The following PSMG1 variants were observed in gnomAD, a reference collection of about 807,000 sequenced individuals.
PSMG1 encodes the protein proteasome assembly chaperone 1.
In PSMG1, 23 loss-of-function variants were observed where a neutral mutation model predicts 37.2. That is an observed-to-expected ratio of 0.62 (90% CI 0.44 to 0.88). The LOEUF is 0.88. PSMG1 is among the 40% of genes least tolerant of loss of function. The probability of loss-of-function intolerance (pLI) is 0.00; values close to 1 mark genes in which losing one functional copy is unlikely to be tolerated. For missense variants in PSMG1, 340 were observed against 344.2 expected, an observed-to-expected ratio of 0.99 and a Z score of 0.10; for synonymous variants, 127 against 128.0, an observed-to-expected ratio of 0.99 and a Z score of 0.05.
rs1027387675 is a variant in PSMG1, at chr21:39,179,056, T to C, written c.457-409A>G. On this transcript the variant is annotated intron_variant, in intron 4 of 6. Transcript: ENST00000331573. Reference sequence around the variant, plus strand: ...CTTCTCGCTCAGTTCATGCTAGAGCTGGTAGTTCAAAAGAGGCTGGCTCCT... The same window carrying C: ...CTTCTCGCTCAGTTCATGCTAGAGCCGGTAGTTCAAAAGAGGCTGGCTCCT... 2.4e-4 allele frequency among the ~76,000 whole-genome samples: 36 copies of C among 152,120 alleles called. 1 individual carries two copies. Among genetic ancestry groups the C allele is most frequent in the Admixed American group, 2.4e-3 (36 of 15,262 alleles).
At chr21:39,180,079 G>C (rs1601187045) in intron 3 of PSMG1, 93 bp from the exon 4 acceptor site, 3 of 1,357,774 alleles carry the variant, frequency 2.2e-6, no homozygotes, top group Non-Finnish European at 3.1e-6. Flanking sequence ...ACAACACTTA[G>C]GTAATACTTA....
At chr21:39,176,525 A>G (rs2030632275) in intron 6 of PSMG1, among the ~76,000 whole-genome samples, 1 of 152,266 alleles carries the variant, frequency 6.6e-6, no homozygotes, top group African/African-American at 2.4e-5. Context: ...TGTGTCAGAA[A>G]GATTACCCTG....
chr21:39,179,575 T>C (rs911514487), intron 4 of PSMG1, among the ~76,000 whole-genome samples: 3 of 152,136 alleles, frequency 2.0e-5, no homozygotes, highest in Non-Finnish European at 4.4e-5. Flanking sequence ...AAGAACCCTT[T>C]TACCTTTTAA....
At position 39,181,879 on chromosome 21, in the gene PSMG1, C is replaced by G. The variant is rs770326325; in HGVS notation, c.135-1G>C. On this transcript the variant is annotated splice_acceptor_variant, in intron 1 of 6. Transcript: ENST00000331573. LOFTEE classifies it high-confidence loss of function. ...TTGTCTTCGAAGGAGCCGCACTTCC[C>G]TAACACAAGAAACAAGATGAAACTA... 6.4e-7 allele frequency: 1 copy of G among 1,567,630 alleles called. No individual in the cohort carries two copies. The highest frequency in any genetic ancestry group is 2.3e-5 in the East Asian group (1 of 43,080).
At chr21:39,181,088 G>A (rs2030810280) in intron 2 of PSMG1, among the ~76,000 whole-genome samples, 1 of 152,114 alleles carries the variant, frequency 6.6e-6, no homozygotes, top group East Asian at 1.9e-4. Context: ...CAACACACTA[G>A]AAACAGCTCC....
intron 1 of PSMG1, among the ~76,000 whole-genome samples, 184 bp from the exon 2 acceptor site, chr21:39,182,062 G>A (rs1277189264): frequency 2.0e-5 from 3 of 150,820 alleles, no homozygotes; most frequent in Admixed American, 6.6e-5. Flanking sequence ...TATTGCATAC[G>A]TGTTTACGGA....
chr21:39,183,396 T>TG lies in PSMG1; in HGVS notation c.-12dup, dbSNP rs1569145026. On this transcript the variant is annotated 5_prime_UTR_variant, in exon 1 of 7. Transcript: ENST00000331573. ...GAACGTGGCCGCCATAGCCGCCCCG[T>TG]GACCGGCTGGACACAACTGCAGCGC... is the stretch of plus-strand genomic sequence containing the variant. The TG allele has an allele frequency of 1.9e-6, 3 of 1,575,764 alleles. No homozygotes were observed. In the Admixed American group the frequency reaches 5.3e-5, roughly 28 times the overall value.
Position 39,182,364 on chromosome 21 carries a change from G to A in PSMG1, c.135-486C>T, listed in dbSNP as rs186812480. The stretch of plus-strand genomic sequence containing the variant: ...CAATCAGTCCTGTCTCTTAGGAGGG[G>A]TAAGAGGAGGTTGCTCTAAATGAAG... On this transcript the variant is annotated intron_variant, in intron 1 of 6. Transcript: ENST00000331573. Among the ~76,000 whole-genome samples, 117 of 152,326 alleles carry A rather than the reference G, an allele frequency of 7.7e-4. 1 individual carries two copies. Among genetic ancestry groups the A allele is most frequent in the Non-Finnish European group, 1.1e-3 (72 of 68,028 alleles).
rs775974728 is a variant in PSMG1, at chr21:39,181,887, AG to A, written c.135-10del. 2 of 1,560,552 alleles carry A rather than the reference AG, an allele frequency of 1.3e-6. No individual in the cohort carries two copies. Among genetic ancestry groups the A allele is most frequent in the Admixed American group, 2.1e-5 (1 of 47,342 alleles). On this transcript the variant is annotated splice_polypyrimidine_tract_variant and intron_variant, in intron 1 of 6. Coordinates refer to ENST00000331573, the MANE Select transcript of PSMG1 (RefSeq NM_003720.4). Reference sequence around the variant, plus strand: ...GAAGGAGCCGCACTTCCCTAACACAAGAAACAAGATGAAACTAAAGCAACTT... The same window carrying A: ...GAAGGAGCCGCACTTCCCTAACACAAAAACAAGATGAAACTAAAGCAACTT...
intron 2 of PSMG1, among the ~76,000 whole-genome samples, 159 bp from the exon 3 acceptor site, chr21:39,180,595 C>G (rs767572687): frequency 1.3e-5 from 2 of 152,102 alleles, no homozygotes; most frequent in Non-Finnish European, 2.9e-5. Context: ...GAAACTGAGG[C>G]CCCCAAGAAG....
At chr21:39,176,406 C>A (rs886618664) in intron 6 of PSMG1, among the ~76,000 whole-genome samples, 1 of 152,216 alleles carries the variant, frequency 6.6e-6, no homozygotes, top group Admixed American at 6.5e-5. Context: ...CCAGCCCCTG[C>A]CCATGGGAAC....
rs767210983 is a variant in PSMG1, at chr21:39,178,541, A to C, written c.563T>G (p.Phe188Cys). The change falls in exon 5 of 7, where the codon TTC becomes TGC. Residue 188 changes from phenylalanine to cysteine, a missense_variant. Physicochemically the swap from Phe to Cys is radical, Grantham distance 205 (BLOSUM62 -2). Transcript: ENST00000331573. ...SESTGSLPSP[F>C]LRALKTQNFK... ...ATTCTGTGTTTTTAGGGCTCTCAGG[A>C]AAGGAGAAGGAAGGCTGCCGGTGGA... 1.2e-6 allele frequency: 2 copies of C among 1,614,052 alleles called. No individual in the cohort carries two copies. Among genetic ancestry groups the C allele is most frequent in the Non-Finnish European group, 1.7e-6 (2 of 1,180,018 alleles).
Position 39,178,452 on chromosome 21 carries a change from C to T in PSMG1, c.652G>A (p.Ala218Thr), listed in dbSNP as rs767190360. The change falls in exon 5 of 7, where the codon GCA becomes ACA. Residue 218 changes from alanine (A) to threonine (T), a missense_variant. Coordinates refer to ENST00000331573, the MANE Select transcript of PSMG1 (RefSeq NM_003720.4). ...QPNIVHDLPA[A>T]VLSYCQVWKI... is the part of the protein sequence containing the mutation. ...ATGTTACAAATTTTAATACCACCTGCTGCAGGAAGGTCGTGTACTATATTC... is the reference window on the plus strand; with the variant it reads ...ATGTTACAAATTTTAATACCACCTGTTGCAGGAAGGTCGTGTACTATATTC... 1.4e-5 allele frequency: 22 copies of T among 1,609,210 alleles called. 1 individual carries two copies. In the Admixed American group the frequency reaches 3.7e-4, roughly 27 times the overall value.
At chr21:39,179,612 A>C (rs1256376523) in intron 4 of PSMG1, among the ~76,000 whole-genome samples, 1 of 152,080 alleles carries the variant, frequency 6.6e-6, no homozygotes, top group Non-Finnish European at 1.5e-5. Context: ...GTAAACAAAG[A>C]AAGATGGGCG....
Position 39,177,324 on chromosome 21 carries a change from G to C in PSMG1, c.792+111C>G. 2.8e-6 allele frequency: 3 copies of C among 1,080,850 alleles called. No individual in the cohort carries two copies. The South Asian group carries it at 7.1e-5, about 26-fold the overall frequency. 67.0% of individuals were successfully genotyped at this position (1,080,850 alleles called of 1,614,324 possible). On this transcript the variant is annotated intron_variant, in intron 6 of 6. Transcript: ENST00000331573. ...AGACTAGAAAGCTTCGCTTTGAGAA[G>C]AATGGATCTCCAAGCATTGCTTAGG...
intron 6 of PSMG1, among the ~76,000 whole-genome samples, chr21:39,176,798 C>T (rs2146404762): frequency 6.6e-6 from 1 of 152,292 alleles, no homozygotes; most frequent in East Asian, 1.9e-4. Context: ...CAGAATAAAA[C>T]CGGGCTGAGG....
At chr21:39,181,622 C>CA in intron 2 of PSMG1, 150 bp downstream of exon 2, 1 of 466,420 alleles carries the variant, frequency 2.1e-6, no homozygotes, top group Non-Finnish European at 3.5e-6. Context: ...AATGATGCAA[C>CA]AGGAACAGGA....
In PSMG1 at chr21:39,177,562, T is replaced by C. The variant is rs2030672293; in HGVS notation, c.665A>G (p.Tyr222Cys). The C allele has an allele frequency of 3.2e-6, 5 of 1,582,360 alleles. No individual in the cohort carries two copies. Among genetic ancestry groups the C allele is most frequent in the Admixed American group, 1.8e-5 (1 of 54,182 alleles). Reference protein sequence around the residue: ...VHDLPAAVLSYCQVWKIPAIL... With the variant: ...VHDLPAAVLSCCQVWKIPAIL... ...TGCTGGGATTTTCCATACTTGACAG[T>C]AGCTTAGAACTATGAATACACAAGA... The change falls in exon 6 of 7, where the codon TAC (tyrosine) becomes TGC (cysteine). Residue 222 changes from tyrosine to cysteine, a missense_variant. Tyr to Cys is a radical substitution (Grantham distance 194, BLOSUM62 -2). Coordinates refer to ENST00000331573, the MANE Select transcript of PSMG1 (RefSeq NM_003720.4).
At chr21:39,176,011 A>G (rs1039774441) in intron 6 of PSMG1, among the ~76,000 whole-genome samples, 2 of 152,036 alleles carry the variant, frequency 1.3e-5, no homozygotes, top group Non-Finnish European at 2.9e-5. Context: ...CTCTGCTCAC[A>G]CTGCTTCCCT....
Sources: gnomAD v4.1 joint callset for allele counts (sites outside exome capture counted in the v4.1 genomes callset) on GRCh38, gnomAD v4.1.1 for gene constraint, MANE v1.5 for transcripts, NCBI Gene and HGNC (gene_info 2026-07-23, HGNC 2026-07-21) for gene names.